The following PLXNA2 variants were observed in gnomAD, a reference collection of about 807,000 sequenced individuals.
PLXNA2 encodes plexin-A2.
A neutral mutation model predicts 193.5 loss-of-function variants in PLXNA2; 91 were observed. The ratio of observed to expected loss-of-function variants is 0.47; its 90% CI spans 0.40 to 0.56. The LOEUF is 0.56. Among genes scored for constraint, PLXNA2 ranks in the 20% least tolerant of loss-of-function variants. The pLI, the probability that PLXNA2 is intolerant of heterozygous loss-of-function variation, is 0.00. For synonymous variants in PLXNA2, 997 were observed against 1,027.3 expected, an observed-to-expected ratio of 0.97 and a Z score of 0.56; for missense variants, 1,995 against 2,503.2, an observed-to-expected ratio of 0.80 and a Z score of 4.33.
chr1:208,185,696 C>CAAAAAAAAAAAAAAAAAAAAAAAAAAA (rs56384277), intron 3 of PLXNA2, among the ~76,000 whole-genome samples: 4 of 57,266 alleles, frequency 7.0e-5, no homozygotes, highest in Admixed American at 3.0e-4. Context: ...TCTCTGAAAG[C>CAAAAAAAAAAAAAAAAAAAAAAAAAAA]AAAAAAAAAA....
At chr1:208,104,415 C>T (rs116122126) in intron 4 of PLXNA2, among the ~76,000 whole-genome samples, 2,044 of 152,292 alleles carry the variant, frequency 0.013, 44 homozygotes, top group African/African-American at 0.047. Flanking sequence ...CAGAACCCTA[C>T]GGTCCAGTGG....
intron 11 of PLXNA2, among the ~76,000 whole-genome samples, chr1:208,081,887 G>T (rs994242383): frequency 6.6e-6 from 1 of 152,024 alleles, no homozygotes; most frequent in Non-Finnish European, 1.5e-5. Context: ...ATGAATAAGG[G>T]TCACCCTCAT....
chr1:208,028,887 G>A lies in PLXNA2; in HGVS notation c.5381C>T (p.Pro1794Leu). 6.2e-7 allele frequency: 1 copy of A among 1,614,196 alleles called. No homozygotes were observed. ...TSEHRLGKDS[P>L]SNKLLYAKDI... ...CTTGGCATAGAGCAGCTTGTTGGAG[G>A]GGGAGTCCTTGCCCAGCCGGTGCTC... Residue 1794 changes from proline to leucine, a missense_variant, in exon 30 of 32, where the codon CCC becomes CTC. Physicochemically the swap from Pro to Leu is moderately conservative, Grantham distance 98. Around this residue, in one of 3 missense-constraint regions of PLXNA2, gnomAD observed 1,291 missense variants for 1,673.6 expected, o/e 0.77. Transcript: ENST00000367033. The surrounding 1 kb of genome is among the most constrained non-coding windows in gnomAD (Gnocchi z 4.2).
intron 12 of PLXNA2, among the ~76,000 whole-genome samples, chr1:208,062,452 G>C (rs1393177895): frequency 6.6e-6 from 1 of 152,118 alleles, no homozygotes; most frequent in Admixed American, 6.5e-5. Flanking sequence ...ATGCTGTTCA[G>C]ACTCCCGGTC....
intron 13 of PLXNA2, among the ~76,000 whole-genome samples, chr1:208,056,255 C>T (rs952680572): frequency 2.0e-5 from 3 of 152,180 alleles, no homozygotes; most frequent in Admixed American, 1.3e-4. Context: ...GTGGGCAGTG[C>T]TGGGGAAGAC....
chr1:208,155,558 T>A (rs539125488), intron 3 of PLXNA2, among the ~76,000 whole-genome samples: 5 of 152,294 alleles, frequency 3.3e-5, no homozygotes, highest in Non-Finnish European at 4.4e-5. Context: ...GCACTTTGCC[T>A]CTCATAGCTT....
Position 208,217,022 on chromosome 1 carries a change from T to G in PLXNA2, c.901A>C (p.Thr301Pro), listed in dbSNP as rs1572043057. ...AGGCGGTATTCCACCCCGGCCCGGG[T>G]GCAGCCGAAGGGCAGGGACACGTAT... ...HSYVSLPFGC[T>P]RAGVEYRLLQ... The change falls in exon 2 of 32, where the codon ACC (threonine) becomes CCC (proline). Residue 301 changes from threonine (T) to proline (P), a missense_variant. Coordinates refer to ENST00000367033, the MANE Select transcript of PLXNA2 (RefSeq NM_025179.4). The surrounding 1 kb of genome is among the most constrained non-coding windows in gnomAD (Gnocchi z 4.7). 1 of 1,611,632 alleles carries G rather than the reference T, an allele frequency of 6.2e-7. No homozygotes were observed. Among genetic ancestry groups the G allele is most frequent in the Middle Eastern group, 1.7e-4 (1 of 6,054 alleles).
At chr1:208,125,993 G>T (rs1256447269) in intron 4 of PLXNA2, among the ~76,000 whole-genome samples, 1 of 152,186 alleles carries the variant, frequency 6.6e-6, no homozygotes, top group East Asian at 1.9e-4. Flanking sequence ...ATGGCAGCAG[G>T]CAGATATTCT....
intron 3 of PLXNA2, among the ~76,000 whole-genome samples, chr1:208,175,565 C>T (rs530326918): frequency 3.5e-5 from 1 of 28,770 alleles, no homozygotes; most frequent in South Asian, 1.7e-3. Context: ...GGAGACCAAA[C>T]TTTGCCTGTG....
chr1:208,103,954 G>A (rs1285351799), intron 4 of PLXNA2, among the ~76,000 whole-genome samples: 1 of 152,150 alleles, frequency 6.6e-6, no homozygotes, highest in Non-Finnish European at 1.5e-5. Context: ...CTGGGGCCCT[G>A]CAGGGGCTTG....
intron 3 of PLXNA2, among the ~76,000 whole-genome samples, chr1:208,164,813 G>GCTGC (rs1669246147): frequency 1.3e-5 from 2 of 152,190 alleles, no homozygotes; most frequent in African/African-American, 4.8e-5. Context: ...CTTAGCAGGC[G>GCTGC]CTGCCTGACT....
intron 4 of PLXNA2, among the ~76,000 whole-genome samples, chr1:208,113,115 G>T (rs1049041385): frequency 6.6e-6 from 1 of 152,044 alleles, no homozygotes; most frequent in Non-Finnish European, 1.5e-5. Context: ...GGATGAGGAG[G>T]CTTTGGGAAC....
In PLXNA2 at chr1:208,025,600, G is replaced by A. The variant is rs367891688; in HGVS notation, c.*1643C>T. The A allele has an allele frequency of 4.6e-5, 7 of 152,366 alleles. No individual in the cohort carries two copies. The highest frequency in any genetic ancestry group is 3.3e-4 in the Admixed American group (5 of 15,294). 9.4% of individuals were successfully genotyped at this position (152,366 alleles called of 1,614,324 possible). A position where few individuals can be genotyped will look rare whatever the true frequency, so the allele number is the denominator to read the frequency against. ...GCAGAACAGTTGGAGCTGGCTGCTC[G>A]GATCCAAGGTAATGTGGGAGGCCTG... On this transcript the variant is annotated 3_prime_UTR_variant, in exon 32 of 32. Coordinates refer to ENST00000367033, the MANE Select transcript of PLXNA2 (RefSeq NM_025179.4).
chr1:208,210,094 T>C (rs1558245889), intron 3 of PLXNA2, 186 bp downstream of exon 3: 2 of 589,260 alleles, frequency 3.4e-6, no homozygotes, highest in Non-Finnish European at 6.2e-6. Flanking sequence ...CAATGACTGA[T>C]GGCTGGAGGA....
intron 3 of PLXNA2, among the ~76,000 whole-genome samples, chr1:208,180,406 G>T (rs981948445): frequency 1.3e-5 from 2 of 152,144 alleles, no homozygotes; most frequent in Non-Finnish European, 2.9e-5. Context: ...AGAGAAAACA[G>T]GTTCATCACA....
chr1:208,189,876 G>A (rs1190455671), intron 3 of PLXNA2, among the ~76,000 whole-genome samples: 1 of 152,168 alleles, frequency 6.6e-6, no homozygotes, highest in Non-Finnish European at 1.5e-5. Context: ...AAATCAGCAC[G>A]AGGAGAAGCT....
chr1:208,067,562 T>C (rs187338529), intron 12 of PLXNA2, among the ~76,000 whole-genome samples: 1 of 152,186 alleles, frequency 6.6e-6, no homozygotes, highest in Non-Finnish European at 1.5e-5. Context: ...ATACCCTATA[T>C]GGCGTACCAT....
At chr1:208,172,511 G>T (rs2102532888) in intron 3 of PLXNA2, among the ~76,000 whole-genome samples, 1 of 152,226 alleles carries the variant, frequency 6.6e-6, no homozygotes, top group East Asian at 1.9e-4. Context: ...GACACCTGGG[G>T]GTCACAAGGG....
chr1:208,161,297 C>A (rs1195444379), intron 3 of PLXNA2, among the ~76,000 whole-genome samples: 1 of 152,208 alleles, frequency 6.6e-6, no homozygotes, highest in East Asian at 1.9e-4. Context: ...CTTCCTCAAT[C>A]CCCTTCTCAC....
Sources: gnomAD v4.1 joint callset for allele counts (sites outside exome capture counted in the v4.1 genomes callset) on GRCh38, gnomAD v4.1.1 for gene constraint, gnomAD v4.1.1 regional missense constraint, Gnocchi (gnomAD v3.1) non-coding constraint, MANE v1.5 for transcripts, NCBI Gene and HGNC (gene_info 2026-07-23, HGNC 2026-07-21) for gene names.